Variants in PCMT1 observed in about 807,000 individuals in gnomAD.
PCMT1 encodes the protein protein-L-isoaspartate (D-aspartate) O-methyltransferase, also known as protein-L-isoaspartate(D-aspartate) O-methyltransferase.
Under a neutral mutation model 29.2 loss-of-function variants are expected in PCMT1, and 9 were observed. The observed-to-expected ratio is 0.31, with a 90% CI of 0.19 to 0.54. PCMT1 has a LOEUF of 0.54. Among genes scored for constraint, PCMT1 ranks in the 20% least tolerant of loss-of-function variants. The probability of loss-of-function intolerance (pLI) is 0.95; values close to 1 mark genes in which losing one functional copy is unlikely to be tolerated. For missense variants in PCMT1, 184 were observed against 282.2 expected (o/e 0.65, Z 2.49); for synonymous variants, 98 against 97.5 (o/e 1.00, Z -0.03).
At chr6:149,762,096 G>T (rs939109519) in intron 1 of PCMT1, among the ~76,000 whole-genome samples, 4 of 151,112 alleles carry the variant, frequency 2.6e-5, no homozygotes, top group Admixed American at 1.3e-4. Context: ...TAGTGTTTTT[G>T]TTTTTTTTCC....
chr6:149,789,066 ATTTTTTT>A (rs56661461), intron 3 of PCMT1, among the ~76,000 whole-genome samples: 2 of 90,476 alleles, frequency 2.2e-5, no homozygotes, highest in South Asian at 4.0e-4. Context: ...ATTGGATCTG[ATTTTTTT>A]TTTTTTTTTT....
At chr6:149,779,901 C>T (rs1787746973) in intron 3 of PCMT1, among the ~76,000 whole-genome samples, 1 of 151,726 alleles carries the variant, frequency 6.6e-6, no homozygotes, top group Admixed American at 6.6e-5. Context: ...GGTATGCTTT[C>T]AGGTATTAAG....
intron 5 of PCMT1, chr6:149,795,501 C>A: frequency 2.4e-6 from 1 of 419,164 alleles, no homozygotes; most frequent in South Asian, 2.2e-5. Context: ...CCATCCGTTT[C>A]TACTGCACAG....
intron 1 of PCMT1, among the ~76,000 whole-genome samples, chr6:149,751,504 CAG>C (rs1486260358): frequency 1.2e-4 from 14 of 118,196 alleles, no homozygotes; most frequent in African/African-American, 4.3e-4. Flanking sequence ...TTTTTTGAGA[CAG>C]AGACTCCCTC....
At chr6:149,756,310 C>T (rs573403637) in intron 1 of PCMT1, among the ~76,000 whole-genome samples, 20 of 150,848 alleles carry the variant, frequency 1.3e-4, no homozygotes, top group African/African-American at 4.4e-4. Flanking sequence ...AGTTCTTAGC[C>T]ACTAGTAGGT....
At chr6:149,754,765 T>C (rs1344691698) in intron 1 of PCMT1, among the ~76,000 whole-genome samples, 3 of 152,220 alleles carry the variant, frequency 2.0e-5, no homozygotes, top group Admixed American at 2.0e-4. Context: ...CATCCCTTTG[T>C]TCAGCATATC....
chr6:149,787,178 T>G (rs1045493280), intron 3 of PCMT1, among the ~76,000 whole-genome samples: 17 of 146,580 alleles, frequency 1.2e-4, no homozygotes, highest in African/African-American at 4.4e-4. Flanking sequence ...CTCGGCAGGC[T>G]GAGGCAGGAG....
intron 1 of PCMT1, 140 bp downstream of exon 1, chr6:149,750,096 G>A (rs747619863): frequency 2.0e-4 from 248 of 1,224,328 alleles, no homozygotes; most frequent in Middle Eastern, 2.9e-4. Context: ...CGGTAGTCCC[G>A]AACGGCGTGC....
At chr6:149,764,347 CTTAT>C (rs967229680) in intron 1 of PCMT1, among the ~76,000 whole-genome samples, 8 of 152,124 alleles carry the variant, frequency 5.3e-5, no homozygotes, top group Admixed American at 2.6e-4. Flanking sequence ...ACTTTATAGG[CTTAT>C]TTGAGACAAC....
At chr6:149,799,748 G>T (rs1308842067) in intron 6 of PCMT1, among the ~76,000 whole-genome samples, 1 of 152,174 alleles carries the variant, frequency 6.6e-6, no homozygotes, top group African/African-American at 2.4e-5. Flanking sequence ...TGTTACAAAG[G>T]GAAGGGCCTG....
chr6:149,754,591 G>A (rs916162751), intron 1 of PCMT1, among the ~76,000 whole-genome samples: 5 of 152,108 alleles, frequency 3.3e-5, no homozygotes, highest in Admixed American at 6.6e-5. Flanking sequence ...TTATCCCATG[G>A]TTTTGCTTTC....
At chr6:149,793,162 CAAAAA>C (rs59087711) in intron 4 of PCMT1, among the ~76,000 whole-genome samples, 8 of 129,866 alleles carry the variant, frequency 6.2e-5, no homozygotes, top group Non-Finnish European at 1.1e-4. Context: ...GACTCTCTCT[CAAAAA>C]AAAAAAAAAA....
chr6:149,810,728 T>G lies in PCMT1; in HGVS notation c.*150T>G, dbSNP rs1490810747. On this transcript the variant is annotated 3_prime_UTR_variant, in exon 8 of 8. Coordinates refer to ENST00000464889, the MANE Select transcript of PCMT1 (RefSeq NM_001360452.2). ...ACACCATCACAGCTTGTTTTGGACT[T>G]TGTTACACTGTTATTTTCAGCATGA... 2 of 867,288 alleles carry G rather than the reference T, an allele frequency of 2.3e-6. No homozygotes were observed. The highest frequency in any genetic ancestry group is 1.7e-5 in the African/African-American group (1 of 58,828). The allele number at this position is 867,288 out of a possible 1,614,324, so 53.7% of individuals were successfully genotyped here.
rs372773939 is a variant in PCMT1 at position 149,769,308 on chromosome 6, C to CTTTTTTTTTTTTTTTTTTTTTTTTTT, written c.56-1830_56-1829insTTTTTTTTTTTTTTTTTTTTTTTTTT. On this transcript the variant is annotated intron_variant, in intron 1 of 7. Coordinates refer to ENST00000464889, the MANE Select transcript of PCMT1 (RefSeq NM_001360452.2). ...AGTTAGCACCTATTTGTGCAGGATT[C>CTTTTTTTTTTTTTTTTTTTTTTTTTT]TTTTTTTTTTTTTTTTTTTTTTTTG... Among the ~76,000 whole-genome samples, 3 of 71,540 alleles carry CTTTTTTTTTTTTTTTTTTTTTTTTTT rather than the reference C, an allele frequency of 4.2e-5. 1 individual carries two copies. Among genetic ancestry groups the CTTTTTTTTTTTTTTTTTTTTTTTTTT allele is most frequent in the Admixed American group, 3.8e-4 (2 of 5,238 alleles). 46.9% of individuals were successfully genotyped at this position (71,540 alleles called of 152,430 possible).
In PCMT1 at chr6:149,810,626, T is replaced by G; in HGVS notation, c.*48T>G. 1.3e-6 allele frequency: 2 copies of G among 1,547,870 alleles called. No individual in the cohort carries two copies. Among genetic ancestry groups the G allele is most frequent in the Non-Finnish European group, 1.7e-6 (2 of 1,144,808 alleles). On this transcript the variant is annotated 3_prime_UTR_variant, in exon 8 of 8. Transcript: ENST00000464889. ...CTTTTTTCCTCACAGGGATGAATTG[T>G]AAAAGCAACATCAGCTTGACCAGTA...
intron 3 of PCMT1, among the ~76,000 whole-genome samples, chr6:149,776,270 CAG>C (rs1285609485): frequency 2.6e-5 from 4 of 151,486 alleles, no homozygotes; most frequent in African/African-American, 9.7e-5. Context: ...TTTTTTGAGG[CAG>C]AGTCTTGCTC....
intron 1 of PCMT1, among the ~76,000 whole-genome samples, chr6:149,751,134 T>C (rs1302042934): frequency 6.6e-6 from 1 of 152,074 alleles, no homozygotes; most frequent in East Asian, 1.9e-4. Flanking sequence ...CAGGCCGACA[T>C]GGTGAAACCC....
intron 6 of PCMT1, 153 bp downstream of exon 6, chr6:149,796,653 A>T: frequency 1.9e-6 from 1 of 538,946 alleles, no homozygotes; most frequent in Middle Eastern, 5.1e-4. Flanking sequence ...TTCTTTTTTC[A>T]TATGCAAACA....
intron 7 of PCMT1, among the ~76,000 whole-genome samples, chr6:149,804,285 G>C (rs1775942894): frequency 1.3e-5 from 2 of 151,804 alleles, no homozygotes; most frequent in Admixed American, 1.3e-4. Context: ...TTGATAAGAA[G>C]AGTTGATTTT....
Sources: gnomAD v4.1 joint callset for allele counts (sites outside exome capture counted in the v4.1 genomes callset) on GRCh38, gnomAD v4.1.1 for gene constraint, MANE v1.5 for transcripts, NCBI Gene and HGNC (gene_info 2026-07-23, HGNC 2026-07-21) for gene names.